PDZD2: variants seen among roughly 807,000 people sequenced by gnomAD.
PDZD2 encodes the protein PDZ domain containing 2.
PDZD2 carries 90 observed loss-of-function variants against 220.7 expected under a neutral mutation model. That is an observed-to-expected ratio of 0.41 (90% CI 0.34 to 0.49). The LOEUF is 0.49. PDZD2 is among the 20% of genes least tolerant of loss of function. PDZD2 has a pLI of 0.28. For missense variants in PDZD2, 3,174 were observed against 3,608.5 expected, an observed-to-expected ratio of 0.88 and a Z score of 3.08; for synonymous variants, 1,375 against 1,450.5, an observed-to-expected ratio of 0.95 and a Z score of 1.18.
chr5:31,789,553 A>G (rs2150218413), intron 1 of PDZD2, among the ~76,000 whole-genome samples: 1 of 152,364 alleles, frequency 6.6e-6, no homozygotes, highest in African/African-American at 2.4e-5. Flanking sequence ...GGTCTTCTCC[A>G]TCAGTGCTAG....
In PDZD2 at chr5:32,073,889, G is replaced by A. The variant is rs141793371; in HGVS notation, c.2783G>A (p.Arg928Gln). The change falls in exon 18 of 25, where the codon CGG (arginine) becomes CAG (glutamine). Residue 928 changes from arginine (R) to glutamine (Q), a missense_variant. Physicochemically the swap from Arg to Gln is conservative, Grantham distance 43 (BLOSUM62 1). Coordinates refer to ENST00000438447, the MANE Select transcript of PDZD2 (RefSeq NM_178140.4). Reference protein sequence around the residue: ...ANSLVTLGSHRASGLFHKQVT... With the variant: ...ANSLVTLGSHQASGLFHKQVT... The stretch of plus-strand genomic sequence containing the variant: ...AGCCTCGTGACTCTTGGGAGCCATC[G>A]GGCTTCTGGGCTCTTCCACAAGCAG... 3.7e-5 allele frequency: 60 copies of A among 1,614,070 alleles called. No individual in the cohort carries two copies. Among genetic ancestry groups the A allele is most frequent in the Admixed American group, 8.3e-5 (5 of 60,016 alleles).
chr5:31,999,258 G>C lies in PDZD2; in HGVS notation c.1122-881G>C, dbSNP rs184751426. Among the ~76,000 whole-genome samples the C allele has an allele frequency of 3.8e-4, 55 of 146,128 alleles. No individual in the cohort carries two copies. In the East Asian group the frequency reaches 0.01, roughly 27 times the overall value. ...TTCCTTTCTTAATTGCTTTTTTTTGGGGGGGGCGGGTGGCGGGATTTGTTT... is the reference window on the plus strand; with the variant it reads ...TTCCTTTCTTAATTGCTTTTTTTTGCGGGGGGCGGGTGGCGGGATTTGTTT... On this transcript the variant is annotated intron_variant, in intron 4 of 24. Coordinates refer to ENST00000438447, the MANE Select transcript of PDZD2 (RefSeq NM_178140.4).
intron 1 of PDZD2, among the ~76,000 whole-genome samples, chr5:31,650,315 G>A (rs75250327): frequency 0.078 from 11,908 of 152,246 alleles, 727 homozygotes; most frequent in African/African-American, 0.16. Flanking sequence ...ACTTGACTGA[G>A]GTTGCATATC....
intron 2 of PDZD2, among the ~76,000 whole-genome samples, chr5:31,866,956 A>C (rs983294001): frequency 3.3e-5 from 5 of 152,324 alleles, no homozygotes; most frequent in Middle Eastern, 3.4e-3. Flanking sequence ...ATCCAGCTTC[A>C]TCCTTCGAAG....
At chr5:31,732,477 A>T (rs1749591502) in intron 1 of PDZD2, among the ~76,000 whole-genome samples, 1 of 152,158 alleles carries the variant, frequency 6.6e-6, no homozygotes, top group East Asian at 1.9e-4. Flanking sequence ...CCCACCTCTA[A>T]GAGGATGGAG....
intron 5 of PDZD2, among the ~76,000 whole-genome samples, chr5:32,004,474 C>T (rs924124949): frequency 2.6e-5 from 4 of 152,188 alleles, no homozygotes; most frequent in African/African-American, 9.7e-5. Context: ...ACCTGTAATC[C>T]GTGCTACTTG....
intron 1 of PDZD2, among the ~76,000 whole-genome samples, chr5:31,753,620 C>T (rs673606): frequency 0.69 from 102,194 of 148,050 alleles, 35,340 homozygotes; most frequent in East Asian, 0.89. Flanking sequence ...AATAAATAAA[C>T]AAACAAACAA....
chr5:31,836,320 C>T (rs1756940319), intron 2 of PDZD2, among the ~76,000 whole-genome samples: 1 of 150,174 alleles, frequency 6.7e-6, no homozygotes, highest in Non-Finnish European at 1.5e-5. Context: ...CAACCTCCAC[C>T]TCCAGGGTTC....
intron 2 of PDZD2, among the ~76,000 whole-genome samples, chr5:31,877,829 A>G (rs1006164899): frequency 1.3e-5 from 2 of 152,012 alleles, no homozygotes; most frequent in African/African-American, 4.8e-5. Flanking sequence ...AGCTGGGATT[A>G]CAGGTGCACA....
At chr5:31,979,212 C>T (rs957098640) in intron 2 of PDZD2, among the ~76,000 whole-genome samples, 2 of 152,080 alleles carry the variant, frequency 1.3e-5, no homozygotes, top group African/African-American at 2.4e-5. Flanking sequence ...ATTTTGTCTC[C>T]GAGCTAAATC....
At position 32,109,476 on chromosome 5, in the gene PDZD2, C is replaced by T. The variant is rs557581198; in HGVS notation, c.*1341C>T. On this transcript the variant is annotated 3_prime_UTR_variant, in exon 25 of 25. Transcript: ENST00000438447. Reference sequence around the variant, plus strand: ...TATTCCGATTGGATATTCCGTTCGTCGTCACATAGCTGGCTTTTCTCTCCT... The same window carrying T: ...TATTCCGATTGGATATTCCGTTCGTTGTCACATAGCTGGCTTTTCTCTCCT... The T allele has an allele frequency of 1.8e-4, 27 of 152,266 alleles. No individual in the cohort carries two copies. The South Asian group carries it at 2.3e-3, about 13-fold the overall frequency. 9.4% of individuals were successfully genotyped at this position (152,266 alleles called of 1,614,324 possible).
At chr5:31,764,985 G>A (rs1751903183) in intron 1 of PDZD2, among the ~76,000 whole-genome samples, 1 of 152,074 alleles carries the variant, frequency 6.6e-6, no homozygotes, top group East Asian at 1.9e-4. Context: ...GCTAAGGCAC[G>A]AGAATTGCTT....
intron 1 of PDZD2, among the ~76,000 whole-genome samples, chr5:31,655,528 C>T (rs1026042491): frequency 7.5e-5 from 11 of 147,542 alleles, no homozygotes; most frequent in Admixed American, 4.2e-4. Context: ...GCCTGCTTCT[C>T]GCCATTACCA....
rs780135614 is a variant in PDZD2 at position 32,105,464 on chromosome 5, T to A, written c.8354-2505T>A. The stretch of plus-strand genomic sequence containing the variant: ...TCTACTGGTTAATCTTTAAGGAAAA[T>A]TTTAGCAGTGCTTACGAAAATGGAA... On this transcript the variant is annotated intron_variant, in intron 24 of 24. Coordinates refer to ENST00000438447, the MANE Select transcript of PDZD2 (RefSeq NM_178140.4). Among the ~76,000 whole-genome samples, 63 of 152,294 alleles carry A rather than the reference T, an allele frequency of 4.1e-4. 1 individual carries two copies. The highest frequency in any genetic ancestry group is 3.4e-3 in the Middle Eastern group (1 of 294).
rs1343760176 is a variant in PDZD2, at chr5:32,089,174, G to T, written c.5726G>T (p.Gly1909Val). 6.2e-7 allele frequency: 1 copy of T among 1,613,984 alleles called. No individual in the cohort carries two copies. Among genetic ancestry groups the T allele is most frequent in the African/African-American group, 1.3e-5 (1 of 74,892 alleles). The change falls in exon 20 of 25, where the codon GGG (glycine) becomes GTG (valine). Residue 1909 changes from glycine (G) to valine (V), a missense_variant. Around this residue, in one of 4 missense-constraint regions of PDZD2, gnomAD observed 1,861 missense variants for 2,001.0 expected, o/e 0.93. Transcript: ENST00000438447. ...CCTGCTGCGAATGCTGTGAAGGCTG[G>T]GGGGACGGACCACAGGAAACCCTTG... Reference protein sequence around the residue: ...EAPAANAVKAGGTDHRKPLIS... With the variant: ...EAPAANAVKAVGTDHRKPLIS...
In PDZD2 at chr5:31,659,366, A is replaced by G. The variant is rs374189097; in HGVS notation, c.-361+19929A>G. 3.3e-4 allele frequency among the ~76,000 whole-genome samples: 50 copies of G among 151,680 alleles called. 1 individual carries two copies. The South Asian group carries it at 0.01, about 31-fold the overall frequency. On this transcript the variant is annotated intron_variant, in intron 1 of 24. Coordinates refer to ENST00000438447, the MANE Select transcript of PDZD2 (RefSeq NM_178140.4). ...TTCCAGATCTGTACCTTTAGACCCAACCCTCCTCCTGAGCACTGACTCACA... is the reference window on the plus strand; with the variant it reads ...TTCCAGATCTGTACCTTTAGACCCAGCCCTCCTCCTGAGCACTGACTCACA...
chr5:31,671,468 A>G (rs1330834710), intron 1 of PDZD2, among the ~76,000 whole-genome samples: 2 of 152,184 alleles, frequency 1.3e-5, no homozygotes, highest in African/African-American at 4.8e-5. Context: ...TGTGGTCAGC[A>G]TCAGGACTGG....
At chr5:31,936,346 G>C (rs764836197) in intron 2 of PDZD2, 1 of 987,086 alleles carries the variant, frequency 1.0e-6, no homozygotes, top group Non-Finnish European at 1.2e-6. Flanking sequence ...TCATAAAGCA[G>C]GTAGGACGGG....
intron 7 of PDZD2, among the ~76,000 whole-genome samples, chr5:32,038,067 C>T (rs1755698403): frequency 6.7e-6 from 1 of 149,090 alleles, no homozygotes; most frequent in Non-Finnish European, 1.5e-5. Flanking sequence ...TGGTCTTGAA[C>T]TCCTGACCTT....
Sources: gnomAD v4.1 joint callset for allele counts (sites outside exome capture counted in the v4.1 genomes callset) on GRCh38, gnomAD v4.1.1 for gene constraint, gnomAD v4.1.1 regional missense constraint, MANE v1.5 for transcripts, NCBI Gene and HGNC (gene_info 2026-07-23, HGNC 2026-07-21) for gene names.